BEST2: variants seen among roughly 807,000 people sequenced by gnomAD.
BEST2 encodes bestrophin-2a.
Under a neutral mutation model 49.0 loss-of-function variants are expected in BEST2, and 36 were observed. That is an observed-to-expected ratio of 0.73 (90% CI 0.56 to 0.97). The LOEUF (loss-of-function observed/expected upper bound fraction) is 0.97, where lower values mean the gene tolerates loss of function less well. BEST2 is among the 50% of genes least tolerant of loss of function. BEST2 has a pLI of 0.00. For missense variants in BEST2, 672 were observed against 710.0 expected (o/e 0.95, Z 0.61); for synonymous variants, 335 against 304.4 (o/e 1.10, Z -1.05).
rs748110787 is a variant in BEST2 at position 12,757,688 on chromosome 19, G to A, written c.1141G>A (p.Gly381Ser). Residue 381 changes from glycine (G) to serine (S), a missense_variant, in exon 10 of 10, where the codon GGC (glycine) becomes AGC (serine). Physicochemically the swap from Gly to Ser is moderately conservative, Grantham distance 56. Around this residue, in one of 3 missense-constraint regions of BEST2, gnomAD observed 291 missense variants for 279.8 expected, o/e 1.04. Transcript: ENST00000553030. ...KEDMQFQRLDGLDGPMGEAPG... is the reference protein window; with the variant it reads ...KEDMQFQRLDSLDGPMGEAPG... The stretch of plus-strand genomic sequence containing the variant: ...AGACATGCAGTTCCAGCGGCTGGAC[G>A]GCTTGGATGGACCGATGGGAGAGGC... The A allele has an allele frequency of 2.1e-5, 33 of 1,545,310 alleles. No homozygotes were observed. Among genetic ancestry groups the A allele is most frequent in the Non-Finnish European group, 2.6e-5 (30 of 1,149,248 alleles).
Position 12,757,742 on chromosome 19 carries a change from C to CG in BEST2, c.1195_1196insG (p.Pro399ArgfsTer115). On this transcript the variant is annotated frameshift_variant, in exon 10 of 10. Transcript: ENST00000553030. LOFTEE classifies it low-confidence loss of function (END_TRUNC). ...CGGCGACTTCCTGCAGCGCCTCCTG[C>CG]CGGCGGGCGCGGGCATGGTCGCGGG... 1 of 1,544,226 alleles carries CG rather than the reference C, an allele frequency of 6.5e-7. No homozygotes were observed. Among genetic ancestry groups the CG allele is most frequent in the Non-Finnish European group, 8.7e-7 (1 of 1,146,300 alleles).
At chr19:12,756,504 G>A in intron 9 of BEST2, 1 of 667,234 alleles carries the variant, frequency 1.5e-6, no homozygotes, top group Non-Finnish European at 2.5e-6. Flanking sequence ...AGAGCTAAGG[G>A]CTGAGGTCAG....
Position 12,758,166 on chromosome 19 carries a change from C to A in BEST2, c.*89C>A. 1 of 1,447,798 alleles carries A rather than the reference C, an allele frequency of 6.9e-7. No individual in the cohort carries two copies. The highest frequency in any genetic ancestry group is 9.4e-7 in the Non-Finnish European group (1 of 1,068,722). 89.7% of individuals were successfully genotyped at this position (1,447,798 alleles called of 1,614,324 possible). A position where few individuals can be genotyped will look rare whatever the true frequency, so the allele number is the denominator to read the frequency against. ...TCCCGGTCTGCATAAGCCTCGTGTGCCTTTGTAAAGTCCACCTACACTTTT... is the reference window on the plus strand; with the variant it reads ...TCCCGGTCTGCATAAGCCTCGTGTGACTTTGTAAAGTCCACCTACACTTTT... On this transcript the variant is annotated 3_prime_UTR_variant, in exon 10 of 10. Coordinates refer to ENST00000553030, the MANE Select transcript of BEST2 (RefSeq NM_017682.3).
rs753067576 is a variant in BEST2 at position 12,752,784 on chromosome 19, G to A, written c.152+40G>A. 69 of 1,542,364 alleles carry A rather than the reference G, an allele frequency of 4.5e-5. No homozygotes were observed. In the South Asian group the frequency reaches 4.8e-4, roughly 11 times the overall value. Reference sequence around the variant, plus strand: ...AGGTGCTCATGTTCTAGCGGAGGGGGGGCAGCTATTATATATATATAATAT... The same window carrying A: ...AGGTGCTCATGTTCTAGCGGAGGGGAGGCAGCTATTATATATATATAATAT... On this transcript the variant is annotated intron_variant, in intron 2 of 9. Transcript: ENST00000553030.
Position 12,755,643 on chromosome 19 carries a change from T to C in BEST2, c.743T>C (p.Phe248Ser), listed in dbSNP as rs1440902072. Reference sequence around the variant, plus strand: ...GTGACCATCGCACTGTACAGCTACTTCCTGGCTTGCCTCATTGGTCGCCAG... The same window carrying C: ...GTGACCATCGCACTGTACAGCTACTCCCTGGCTTGCCTCATTGGTCGCCAG... ...QVVTIALYSYFLACLIGRQFL... is the reference protein window; with the variant it reads ...QVVTIALYSYSLACLIGRQFL... The change falls in exon 7 of 10, where the codon TTC (phenylalanine) becomes TCC (serine). Residue 248 changes from phenylalanine (F) to serine (S), a missense_variant. Coordinates refer to ENST00000553030, the MANE Select transcript of BEST2 (RefSeq NM_017682.3). The surrounding 1 kb of genome is among the most constrained non-coding windows in gnomAD (Gnocchi z 4.4). 2 of 1,613,910 alleles carry C rather than the reference T, an allele frequency of 1.2e-6. No individual in the cohort carries two copies. Among genetic ancestry groups the C allele is most frequent in the African/African-American group, 2.7e-5 (2 of 74,894 alleles).
chr19:12,755,233 C>T lies in BEST2; in HGVS notation c.637-146C>T. The T allele has an allele frequency of 9.6e-7, 1 of 1,040,882 alleles. No individual in the cohort carries two copies. Among genetic ancestry groups the T allele is most frequent in the South Asian group, 1.5e-5 (1 of 65,720 alleles). 64.5% of individuals were successfully genotyped at this position (1,040,882 alleles called of 1,614,324 possible). A position where few individuals can be genotyped will look rare whatever the true frequency, so the allele number is the denominator to read the frequency against. On this transcript the variant is annotated intron_variant, in intron 5 of 9. Transcript: ENST00000553030. This position sits in a 1 kb window ranked among gnomAD's most constrained non-coding sequence, Gnocchi z 4.4. The stretch of plus-strand genomic sequence containing the variant: ...ATGGTACCTCATCCAGGTGCACACT[C>T]ACCACCAAATACCCTCCCTGGAACC...
At position 12,755,093 on chromosome 19, in the gene BEST2, G is replaced by A. The variant is rs1967924075; in HGVS notation, c.636+62G>A. On this transcript the variant is annotated intron_variant, in intron 5 of 9. Transcript: ENST00000553030. This position sits in a 1 kb window ranked among gnomAD's most constrained non-coding sequence, Gnocchi z 4.4. ...AGGGAAATTGTACCCCTGGAGCTGT[G>A]TCAACGGCGGCCCTCCAAGCACCCC... 6.6e-7 allele frequency: 1 copy of A among 1,524,200 alleles called. No individual in the cohort carries two copies. Among genetic ancestry groups the A allele is most frequent in the Non-Finnish European group, 8.8e-7 (1 of 1,139,946 alleles). The allele number at this position is 1,524,200 out of a possible 1,614,324, so 94.4% of individuals were successfully genotyped here. A position where few individuals can be genotyped will look rare whatever the true frequency, so the allele number is the denominator to read the frequency against.
chr19:12,752,809 T>C (rs1161188050), intron 2 of BEST2, 65 bp downstream of exon 2: 3 of 1,010,862 alleles, frequency 3.0e-6, no homozygotes, highest in Non-Finnish European at 3.8e-6. Flanking sequence ...ATATATAATA[T>C]ATAAAAATTA....
rs755365854 is a variant in BEST2 at position 12,755,486 on chromosome 19, G to A, written c.714+30G>A. 3.7e-6 allele frequency: 6 copies of A among 1,612,200 alleles called. No individual in the cohort carries two copies. The highest frequency in any genetic ancestry group is 3.3e-5 in the South Asian group (3 of 91,050). On this transcript the variant is annotated intron_variant, in intron 6 of 9. Coordinates refer to ENST00000553030, the MANE Select transcript of BEST2 (RefSeq NM_017682.3). This position sits in a 1 kb window ranked among gnomAD's most constrained non-coding sequence, Gnocchi z 4.4. ...CCCCATCATGCCTCTTTTTATATTC[G>A]GTGTCAGTGGCCCTGATGCCTGGTT... is the stretch of plus-strand genomic sequence containing the variant.
chr19:12,755,938 G>A lies in BEST2; in HGVS notation c.948+3G>A. 5 of 1,613,756 alleles carry A rather than the reference G, an allele frequency of 3.1e-6. No homozygotes were observed. The highest frequency in any genetic ancestry group is 4.2e-6 in the Non-Finnish European group (5 of 1,179,606). Reference sequence around the variant, plus strand: ...TTCTGATCGATAGAAACTTCCAGGTGAGACTCAGTTTCCAGGTGAGACTTC... The same window carrying A: ...TTCTGATCGATAGAAACTTCCAGGTAAGACTCAGTTTCCAGGTGAGACTTC... On this transcript the variant is annotated splice_donor_region_variant and intron_variant, in intron 8 of 9. Coordinates refer to ENST00000553030, the MANE Select transcript of BEST2 (RefSeq NM_017682.3). The surrounding 1 kb of genome is among the most constrained non-coding windows in gnomAD (Gnocchi z 4.4).
rs777361092 is a variant in BEST2 at position 12,754,700 on chromosome 19, A to C, written c.396A>C (p.Ala132=). The C allele has an allele frequency of 6.3e-7, 1 of 1,587,356 alleles. No homozygotes were observed. Among genetic ancestry groups the C allele is most frequent in the Non-Finnish European group, 8.6e-7 (1 of 1,166,718 alleles). The change falls in exon 4 of 10, where the codon GCA becomes GCC. Residue 132 remains alanine (A), a synonymous_variant. Transcript: ENST00000553030. ...ACCGGCGCACACTCATGCGCTACGCAGGGCTCTCGGCCGTGCTCATCCTGC... is the reference window on the plus strand; with the variant it reads ...ACCGGCGCACACTCATGCGCTACGCCGGGCTCTCGGCCGTGCTCATCCTGC... ...RLYRRTLMRY[A]GLSAVLILRS...
rs975014835 is a variant in BEST2, at chr19:12,755,098, C to G, written c.636+67C>G. 18 of 1,516,532 alleles carry G rather than the reference C, an allele frequency of 1.2e-5. No homozygotes were observed. In the Admixed American group the frequency reaches 1.8e-4, roughly 15 times the overall value. The allele number at this position is 1,516,532 out of a possible 1,614,324, so 93.9% of individuals were successfully genotyped here. A position where few individuals can be genotyped will look rare whatever the true frequency, so the allele number is the denominator to read the frequency against. On this transcript the variant is annotated intron_variant, in intron 5 of 9. Transcript: ENST00000553030. This position sits in a 1 kb window ranked among gnomAD's most constrained non-coding sequence, Gnocchi z 4.4. ...AATTGTACCCCTGGAGCTGTGTCAA[C>G]GGCGGCCCTCCAAGCACCCCCACGA...
Position 12,755,172 on chromosome 19 carries a change from T to C in BEST2, c.636+141T>C. On this transcript the variant is annotated intron_variant, in intron 5 of 9. Coordinates refer to ENST00000553030, the MANE Select transcript of BEST2 (RefSeq NM_017682.3). This position sits in a 1 kb window ranked among gnomAD's most constrained non-coding sequence, Gnocchi z 4.4. ...AGGTGCACTCTTACCTCCATGGGGC[T>C]GATTCCAATGCCCTTGAGGGGCAGC... 1 of 1,183,308 alleles carries C rather than the reference T, an allele frequency of 8.5e-7. No individual in the cohort carries two copies. The highest frequency in any genetic ancestry group is 1.2e-6 in the Non-Finnish European group (1 of 855,688). The allele number at this position is 1,183,308 out of a possible 1,614,324, so 73.3% of individuals were successfully genotyped here. A position where few individuals can be genotyped will look rare whatever the true frequency, so the allele number is the denominator to read the frequency against.
chr19:12,757,565 T>A (rs1967959936), intron 9 of BEST2, 86 bp from the exon 10 acceptor site: 7 of 1,398,576 alleles, frequency 5.0e-6, no homozygotes, highest in Non-Finnish European at 6.7e-6. Flanking sequence ...AAGCGGTGGG[T>A]GGAGTCAGGG....
At position 12,754,742 on chromosome 19, in the gene BEST2, G is replaced by A. The variant is rs1257122825; in HGVS notation, c.438G>A (p.Ala146=). Residue 146 remains alanine, a synonymous_variant, in exon 4 of 10, where the codon GCG becomes GCA. Transcript: ENST00000553030. ...TCATCCTGCGCTCCGTCAGCACCGC[G>A]GTGTTCAAGCGCTTCCCCACCATAG... ...AVLILRSVST[A]VFKRFPTIDH... is the part of the protein sequence containing the mutation. 7 of 1,591,876 alleles carry A rather than the reference G, an allele frequency of 4.4e-6. No homozygotes were observed. In the African/African-American group the frequency reaches 6.7e-5, roughly 15 times the overall value.
Position 12,757,751 on chromosome 19 carries a change from G to C in BEST2, c.1204G>C (p.Ala402Pro). Residue 402 changes from alanine (A) to proline (P), a missense_variant, in exon 10 of 10, where the codon GCG becomes CCG. Physicochemically the swap from Ala to Pro is conservative, Grantham distance 27. Coordinates refer to ENST00000553030, the MANE Select transcript of BEST2 (RefSeq NM_017682.3). ...DFLQRLLPAG[A>P]GMVAGGPLGR... ...CCTGCAGCGCCTCCTGCCGGCGGGCGCGGGCATGGTCGCGGGAGGCCCGCT... is the reference window on the plus strand; with the variant it reads ...CCTGCAGCGCCTCCTGCCGGCGGGCCCGGGCATGGTCGCGGGAGGCCCGCT... The C allele has an allele frequency of 6.5e-7, 1 of 1,544,202 alleles. No individual in the cohort carries two copies. The highest frequency in any genetic ancestry group is 2.4e-5 in the East Asian group (1 of 40,844).
At position 12,755,881 on chromosome 19, in the gene BEST2, C is replaced by T. The variant is rs557090775; in HGVS notation, c.894C>T (p.Phe298=). ...TAGCTGAGCAGCTCATCAACCCCTTCGGAGAGGACGATGATGACTTTGAGA... is the reference window on the plus strand; with the variant it reads ...TAGCTGAGCAGCTCATCAACCCCTTTGGAGAGGACGATGATGACTTTGAGA... ...LKVAEQLINP[F]GEDDDDFETN... is the part of the protein sequence containing the mutation. Residue 298 remains phenylalanine (F), a synonymous_variant, in exon 8 of 10, where the codon TTC becomes TTT. Transcript: ENST00000553030. This position sits in a 1 kb window ranked among gnomAD's most constrained non-coding sequence, Gnocchi z 4.4. 4.3e-6 allele frequency: 7 copies of T among 1,614,202 alleles called. No homozygotes were observed. Among genetic ancestry groups the T allele is most frequent in the Admixed American group, 3.3e-5 (2 of 60,026 alleles).
Position 12,754,654 on chromosome 19 carries a change from G to T in BEST2, c.350G>T (p.Arg117Leu), listed in dbSNP as rs1967914399. 1.3e-5 allele frequency: 20 copies of T among 1,557,946 alleles called. No individual in the cohort carries two copies. The highest frequency in any genetic ancestry group is 1.6e-5 in the Non-Finnish European group (18 of 1,150,560). Residue 117 changes from arginine (R) to leucine (L), a missense_variant, in exon 4 of 10, where the codon CGC becomes CTC. By Grantham distance (102) the Arg-to-Leu change is moderately radical. Around this residue, in one of 3 missense-constraint regions of BEST2, gnomAD observed 365 missense variants for 390.9 expected, o/e 0.93. Coordinates refer to ENST00000553030, the MANE Select transcript of BEST2 (RefSeq NM_017682.3). Reference sequence around the variant, plus strand: ...GTGGTGGCGGGCACCGTGCACGGACGCGACGACCGCGGCCGCCTCTACCGG... The same window carrying T: ...GTGGTGGCGGGCACCGTGCACGGACTCGACGACCGCGGCCGCCTCTACCGG... ...MCVVAGTVHG[R>L]DDRGRLYRRT...
chr19:12,752,659 C>T lies in BEST2; in HGVS notation c.67C>T (p.Leu23=). Residue 23 remains leucine (L), a synonymous_variant, in exon 2 of 10, where the codon CTG becomes TTG. Transcript: ENST00000553030. ...RFGGFSQLLL[L]WRGSIYKLLW... is the part of the protein sequence containing the mutation. ...CGGTGGCTTCTCCCAGCTGCTGCTA[C>T]TGTGGCGTGGGAGCATCTACAAACT... The T allele has an allele frequency of 1.2e-6, 2 of 1,612,880 alleles. No homozygotes were observed. The highest frequency in any genetic ancestry group is 1.7e-6 in the Non-Finnish European group (2 of 1,179,950).
Sources: gnomAD v4.1 joint callset for allele counts on GRCh38, gnomAD v4.1.1 for gene constraint, gnomAD v4.1.1 regional missense constraint, Gnocchi (gnomAD v3.1) non-coding constraint, MANE v1.5 for transcripts, NCBI Gene and HGNC (gene_info 2026-07-23, HGNC 2026-07-21) for gene names.